Variants in MDGA2 observed in about 807,000 individuals in gnomAD.
MDGA2 encodes MAM domain-containing glycosylphosphatidylinositol anchor protein 2.
Under a neutral mutation model 117.8 loss-of-function variants are expected in MDGA2, and 40 were observed. The ratio of observed to expected loss-of-function variants is 0.34; its 90% CI spans 0.26 to 0.44. The LOEUF (loss-of-function observed/expected upper bound fraction) is 0.44, where lower values mean the gene tolerates loss of function less well. MDGA2 is among the 20% of genes least tolerant of loss of function. The probability of loss-of-function intolerance (pLI) is 1.00; values close to 1 mark genes in which losing one functional copy is unlikely to be tolerated. For synonymous variants in MDGA2, 452 were observed against 439.0 expected (o/e 1.03, Z -0.37); for missense variants, 1,123 against 1,250.6 (o/e 0.90, Z 1.54).
chr14:47,175,188 A>C (rs1474404675), intron 3 of MDGA2, among the ~76,000 whole-genome samples: 2 of 151,628 alleles, frequency 1.3e-5, no homozygotes, highest in Non-Finnish European at 2.9e-5. Flanking sequence ...GTCCAGGACC[A>C]GATGGATTCA....
intron 5 of MDGA2, among the ~76,000 whole-genome samples, chr14:47,107,152 C>A (rs535863681): frequency 6.6e-6 from 1 of 151,090 alleles, no homozygotes; most frequent in East Asian, 1.9e-4. Context: ...ACCTAATCAC[C>A]CTTACCCCAC....
intron 1 of MDGA2, among the ~76,000 whole-genome samples, chr14:47,667,875 T>A: frequency 6.6e-6 from 1 of 152,182 alleles, no homozygotes; most frequent in Non-Finnish European, 1.5e-5. Flanking sequence ...GACCCCAAAT[T>A]TCAGCCACAC....
intron 1 of MDGA2, among the ~76,000 whole-genome samples, chr14:47,434,222 T>C (rs1410735448): frequency 6.6e-6 from 1 of 152,068 alleles, no homozygotes; most frequent in Non-Finnish European, 1.5e-5. Flanking sequence ...ATACTTCCAA[T>C]TTTGACAAAA....
At chr14:47,355,607 G>A (rs1226533494) in intron 1 of MDGA2, among the ~76,000 whole-genome samples, 1 of 151,906 alleles carries the variant, frequency 6.6e-6, no homozygotes, top group African/African-American at 2.4e-5. Context: ...CCACTAAACT[G>A]CCAGAGAAAG....
chr14:47,584,558 TC>T (rs1896288578), intron 1 of MDGA2, among the ~76,000 whole-genome samples: 3 of 151,810 alleles, frequency 2.0e-5, no homozygotes, highest in African/African-American at 7.2e-5. Flanking sequence ...ACGCATCCTT[TC>T]CATTCCTTCT....
chr14:47,388,733 A>C (rs1284146177), intron 1 of MDGA2, among the ~76,000 whole-genome samples: 1 of 152,142 alleles, frequency 6.6e-6, no homozygotes, highest in Non-Finnish European at 1.5e-5. Context: ...GGTCTCAGAG[A>C]AAAAGGGGAA....
intron 1 of MDGA2, among the ~76,000 whole-genome samples, chr14:47,605,065 A>C (rs1467966778): frequency 7.1e-6 from 1 of 141,336 alleles, no homozygotes. Context: ...TCAGTGTCTC[A>C]TTTTCTTTTA....
intron 7 of MDGA2, among the ~76,000 whole-genome samples, chr14:47,057,090 C>T (rs1266888651): frequency 6.6e-6 from 1 of 151,994 alleles, no homozygotes; most frequent in Non-Finnish European, 1.5e-5. Flanking sequence ...CAATGAATAT[C>T]AGCCCTACAG....
intron 1 of MDGA2, among the ~76,000 whole-genome samples, chr14:47,312,545 T>G (rs1232128994): frequency 2.0e-5 from 3 of 152,106 alleles, no homozygotes; most frequent in Admixed American, 6.6e-5. Flanking sequence ...CAGTCCTTTT[T>G]GTTTTTTAAG....
intron 9 of MDGA2, among the ~76,000 whole-genome samples, chr14:46,938,579 A>G (rs1480194994): frequency 6.7e-6 from 1 of 150,148 alleles, no homozygotes; most frequent in South Asian, 2.1e-4. Flanking sequence ...ATCTGACCCC[A>G]ATTAGAACAG....
chr14:47,351,939 A>AC, intron 1 of MDGA2, among the ~76,000 whole-genome samples: 4 of 146,920 alleles, frequency 2.7e-5, no homozygotes, highest in Admixed American at 6.7e-5. Context: ...ACACACACAC[A>AC]AACATATATA....
chr14:47,509,571 A>T (rs1894595043), intron 1 of MDGA2, among the ~76,000 whole-genome samples: 1 of 152,186 alleles, frequency 6.6e-6, no homozygotes, highest in Non-Finnish European at 1.5e-5. Flanking sequence ...TGTGGGACCT[A>T]GACAGAGAGC....
chr14:47,436,488 A>G (rs1347333445), intron 1 of MDGA2, among the ~76,000 whole-genome samples: 1 of 152,078 alleles, frequency 6.6e-6, no homozygotes, highest in Admixed American at 6.6e-5. Flanking sequence ...TGGCAGGGAA[A>G]AGAACTTCCC....
At chr14:47,117,818 C>G (rs894771589) in intron 5 of MDGA2, among the ~76,000 whole-genome samples, 1 of 152,044 alleles carries the variant, frequency 6.6e-6, no homozygotes, top group African/African-American at 2.4e-5. Context: ...AGAATAAGCT[C>G]TAGAGATCTG....
At chr14:47,469,254 C>T (rs1254113052) in intron 1 of MDGA2, among the ~76,000 whole-genome samples, 2 of 151,936 alleles carry the variant, frequency 1.3e-5, no homozygotes, top group African/African-American at 4.8e-5. Flanking sequence ...GTGCTGCACC[C>T]ATTAACTCAT....
At chr14:47,031,433 TTA>T (rs767451295) in intron 8 of MDGA2, among the ~76,000 whole-genome samples, 42 of 152,310 alleles carry the variant, frequency 2.8e-4, no homozygotes, top group Admixed American at 9.2e-4. Flanking sequence ...TTACATTCTT[TTA>T]TGTCTTAAAA....
intron 7 of MDGA2, among the ~76,000 whole-genome samples, chr14:47,040,062 A>C (rs754056604): frequency 2.0e-5 from 3 of 152,182 alleles, no homozygotes; most frequent in Non-Finnish European, 4.4e-5. Context: ...AAAAATTTTC[A>C]ATGAATGTTA....
chr14:46,950,631 G>A (rs1885339121), intron 9 of MDGA2, among the ~76,000 whole-genome samples: 2 of 151,800 alleles, frequency 1.3e-5, no homozygotes, highest in Non-Finnish European at 2.9e-5. Context: ...ATTTGACATT[G>A]AAATTTCTTG....
At chr14:47,054,884 T>TA (rs1259167155) in intron 7 of MDGA2, among the ~76,000 whole-genome samples, 1 of 151,858 alleles carries the variant, frequency 6.6e-6, no homozygotes, top group Admixed American at 6.6e-5. Context: ...ATGTTAGAGC[T>TA]AAAACCATAA....
Sources: allele counts gnomAD v4.1 joint callset (sites outside exome capture counted in the v4.1 genomes callset), GRCh38; gene constraint gnomAD v4.1.1; transcripts MANE v1.5; gene names NCBI Gene and HGNC (gene_info 2026-07-23, HGNC 2026-07-21).